Variants in LHCGR observed in about 807,000 individuals in gnomAD.
LHCGR encodes the protein luteinizing hormone/choriogonadotropin receptor, also known as lutropin-choriogonadotropic hormone receptor.
A neutral mutation model predicts 60.7 loss-of-function variants in LHCGR; 55 were observed. That is an observed-to-expected ratio of 0.91 (90% CI 0.73 to 1.13). LHCGR has a LOEUF of 1.13. Ranked by LOEUF, LHCGR falls within the 50% of genes most tolerant of loss-of-function variation. The pLI is 0.00. For missense variants in LHCGR, 862 were observed against 836.0 expected (o/e 1.03, Z -0.38); for synonymous variants, 337 against 316.5 (o/e 1.06, Z -0.69).
At chr2:48,743,462 G>T (rs1298274215) in intron 1 of LHCGR, among the ~76,000 whole-genome samples, 5 of 152,084 alleles carry the variant, frequency 3.3e-5, no homozygotes, top group Non-Finnish European at 7.4e-5. Flanking sequence ...CTGGCAAACC[G>T]AATCCAGCAG....
At chr2:48,751,258 T>G (rs536660750) in intron 1 of LHCGR, among the ~76,000 whole-genome samples, 283 of 152,350 alleles carry the variant, frequency 1.9e-3, no homozygotes, top group African/African-American at 6.6e-3. Flanking sequence ...TTGGGATTTT[T>G]TTTTCTTTTT....
intron 1 of LHCGR, among the ~76,000 whole-genome samples, chr2:48,752,997 T>TCGGGGGGGGG (rs1670046512): frequency 5.4e-5 from 1 of 18,436 alleles, no homozygotes; most frequent in Non-Finnish European, 9.8e-5. Flanking sequence ...GGGGGGGGGG[T>TCGGGGGGGGG]GGGGAAGGGA....
intron 1 of LHCGR, among the ~76,000 whole-genome samples, chr2:48,748,596 T>C (rs1350207975): frequency 2.0e-5 from 3 of 152,216 alleles, no homozygotes; most frequent in Non-Finnish European, 2.9e-5. Context: ...GGAACAAAAC[T>C]GTTCCATCAG....
chr2:48,742,363 C>G (rs2103691372), intron 1 of LHCGR, among the ~76,000 whole-genome samples: 1 of 151,772 alleles, frequency 6.6e-6, no homozygotes, highest in African/African-American at 2.4e-5. Flanking sequence ...CTACAGAACT[C>G]TCCACCCCAA....
chr2:48,709,113 G>T, intron 7 of LHCGR, 91 bp from the exon 8 acceptor site: 4 of 970,450 alleles, frequency 4.1e-6, no homozygotes, highest in South Asian at 3.8e-5. Context: ...CAAGCTATGT[G>T]CATGATGTAT....
chr2:48,700,987 CAGGAGCT>C (rs1667379983), intron 8 of LHCGR, among the ~76,000 whole-genome samples: 1 of 152,006 alleles, frequency 6.6e-6, no homozygotes, highest in African/African-American at 2.4e-5. Flanking sequence ...TGGACAGTGG[CAGGAGCT>C]AGGAAATAGG....
chr2:48,698,600 T>C lies in LHCGR; in HGVS notation c.866+15A>G. On this transcript the variant is annotated intron_variant, in intron 9 of 10. Transcript: ENST00000294954. ...CCACAGCTTGGGTAGGCTTTACCTTTTGGTTTCTACTTACTCTTTTGTTGG... is the reference window on the plus strand; with the variant it reads ...CCACAGCTTGGGTAGGCTTTACCTTCTGGTTTCTACTTACTCTTTTGTTGG... 1 of 1,609,750 alleles carries C rather than the reference T, an allele frequency of 6.2e-7. No individual in the cohort carries two copies. The highest frequency in any genetic ancestry group is 8.5e-7 in the Non-Finnish European group (1 of 1,176,348).
chr2:48,755,663 C>G lies in LHCGR; in HGVS notation c.9G>C (p.Gln3His), dbSNP rs1438175782. The part of the protein sequence containing the change: MK[Q>H]RFSALQLLKL... ...TCAGCAGCTGCAGCGCCGAGAACCG[C>G]TGCTTCATGGCCGGCGAACTGGGCT... Residue 3 changes from glutamine to histidine, a missense_variant, in exon 1 of 11, where the codon CAG (glutamine) becomes CAC (histidine). Physicochemically the swap from Gln to His is conservative, Grantham distance 24 (BLOSUM62 0). Coordinates refer to ENST00000294954, the MANE Select transcript of LHCGR (RefSeq NM_000233.4). The G allele has an allele frequency of 1.3e-6, 2 of 1,535,450 alleles. No homozygotes were observed. The highest frequency in any genetic ancestry group is 3.9e-5 in the Admixed American group (2 of 50,966).
At chr2:48,749,540 C>T (rs927754991) in intron 1 of LHCGR, among the ~76,000 whole-genome samples, 6 of 151,996 alleles carry the variant, frequency 3.9e-5, no homozygotes, top group Non-Finnish European at 4.4e-5. Flanking sequence ...ATCAGAATTA[C>T]ACATGGCCAA....
intron 6 of LHCGR, chr2:48,721,208 C>T (rs1349627083): frequency 6.4e-6 from 1 of 155,534 alleles, no homozygotes; most frequent in Admixed American, 6.3e-5. Flanking sequence ...TGGGGAGACC[C>T]CAAATCCTAA....
intron 8 of LHCGR, among the ~76,000 whole-genome samples, chr2:48,702,071 G>A (rs1427103448): frequency 1.3e-5 from 2 of 152,098 alleles, no homozygotes; most frequent in South Asian, 4.1e-4. Flanking sequence ...GTAGGGTGTC[G>A]TGGACTGCCA....
rs181784562 is a variant in LHCGR at position 48,703,753 on chromosome 2, G to A, written c.681-4953C>T. Among the ~76,000 whole-genome samples, 727 of 152,272 alleles carry A rather than the reference G, an allele frequency of 4.8e-3. 21 individuals are homozygous for A. Among genetic ancestry groups the A allele is most frequent in the Middle Eastern group, 0.01 (3 of 294 alleles). On this transcript the variant is annotated intron_variant, in intron 8 of 10. Transcript: ENST00000294954. ...CATTGATCTTGTATCCCAAGACTTC[G>A]CTGAAGTTGCTTATCAGCTTAAGGA...
In LHCGR at chr2:48,755,336, A is replaced by C. The variant is rs1309557695; in HGVS notation, c.161+175T>G. 2.6e-5 allele frequency among the ~76,000 whole-genome samples: 4 copies of C among 152,122 alleles called. No individual in the cohort carries two copies. The East Asian group carries it at 7.7e-4, about 29-fold the overall frequency. On this transcript the variant is annotated intron_variant, in intron 1 of 10. Coordinates refer to ENST00000294954, the MANE Select transcript of LHCGR (RefSeq NM_000233.4). The stretch of plus-strand genomic sequence containing the variant: ...CTCAGAGGCATGGGGTGGTAAAAAC[A>C]ACCACCAAGTTTTGGGTTCTCATCA...
intron 1 of LHCGR, chr2:48,733,189 C>A: frequency 6.5e-6 from 2 of 306,626 alleles, no homozygotes; most frequent in South Asian, 6.1e-5. Flanking sequence ...TAATGCAGTG[C>A]AGAACATATT....
chr2:48,724,835 G>A (rs1484067911), intron 4 of LHCGR, among the ~76,000 whole-genome samples: 3 of 152,162 alleles, frequency 2.0e-5, no homozygotes, highest in African/African-American at 7.2e-5. Context: ...TCCAGTAGCA[G>A]CTCTTATAGA....
chr2:48,715,070 C>T (rs1228366997), intron 6 of LHCGR, among the ~76,000 whole-genome samples: 1 of 152,114 alleles, frequency 6.6e-6, no homozygotes, highest in Non-Finnish European at 1.5e-5. Flanking sequence ...TATTTCGTGT[C>T]GTGTTCTCAG....
chr2:48,738,351 G>C (rs1478438851), intron 1 of LHCGR, among the ~76,000 whole-genome samples: 1 of 152,056 alleles, frequency 6.6e-6, no homozygotes, highest in Non-Finnish European at 1.5e-5. Flanking sequence ...CTTGCTTCCA[G>C]CCCCTTTACT....
At chr2:48,716,583 T>G (rs1437949568) in intron 6 of LHCGR, among the ~76,000 whole-genome samples, 1 of 152,232 alleles carries the variant, frequency 6.6e-6, no homozygotes, top group East Asian at 1.9e-4. Flanking sequence ...CTTCCCCTTC[T>G]ATATTGTGGA....
intron 9 of LHCGR, among the ~76,000 whole-genome samples, chr2:48,697,714 T>C (rs1188478216): frequency 6.6e-6 from 1 of 152,172 alleles, no homozygotes; most frequent in Admixed American, 6.5e-5. Flanking sequence ...ATGGATCCTA[T>C]CTCCTTAGGC....
Sources: gnomAD v4.1 joint callset for allele counts (sites outside exome capture counted in the v4.1 genomes callset) on GRCh38, gnomAD v4.1.1 for gene constraint, MANE v1.5 for transcripts, NCBI Gene and HGNC (gene_info 2026-07-23, HGNC 2026-07-21) for gene names.